G2E3: variants seen among roughly 807,000 people sequenced by gnomAD.
G2E3 encodes the protein G2/M-phase specific E3 ubiquitin protein ligase, also known as G2/M phase-specific E3 ubiquitin-protein ligase.
A neutral mutation model predicts 92.8 loss-of-function variants in G2E3; 35 were observed. The observed-to-expected ratio is 0.38, with a 90% CI of 0.29 to 0.50. The LOEUF (loss-of-function observed/expected upper bound fraction) is 0.50. Ranked by LOEUF, G2E3 falls within the 20% of genes least tolerant of loss-of-function variation. The pLI, the probability that G2E3 is intolerant of heterozygous loss-of-function variation, is 0.94. For synonymous variants in G2E3, 242 were observed against 272.4 expected (o/e 0.89, Z 1.10); for missense variants, 554 against 823.8 (o/e 0.67, Z 4.01).
chr14:30,605,850 A>C, intron 11 of G2E3, 38 bp downstream of exon 11: 10 of 1,069,960 alleles, frequency 9.3e-6, no homozygotes, highest in Non-Finnish European at 1.3e-5. Context: ...ACCAAATATC[A>C]CATGTATAGA....
chr14:30,579,613 A>G (rs1880313621), intron 1 of G2E3, among the ~76,000 whole-genome samples: 1 of 152,026 alleles, frequency 6.6e-6, no homozygotes, highest in South Asian at 2.1e-4. Context: ...AGCAGTTTGT[A>G]TTTGTGGTTT....
chr14:30,615,302 C>A (rs1286457716), intron 13 of G2E3, 47 bp from the exon 14 acceptor site: 8 of 948,450 alleles, frequency 8.4e-6, no homozygotes, highest in East Asian at 2.5e-5. Context: ...AATATAATAC[C>A]AAACACACAT....
intron 1 of G2E3, among the ~76,000 whole-genome samples, chr14:30,568,137 G>C (rs1879547923): frequency 6.6e-6 from 1 of 152,006 alleles, no homozygotes; most frequent in African/African-American, 2.4e-5. Context: ...TCTTCTTGAT[G>C]GATTGAACTT....
intron 10 of G2E3, 150 bp downstream of exon 10, chr14:30,602,281 T>C: frequency 1.6e-6 from 1 of 606,534 alleles, no homozygotes; most frequent in Non-Finnish European, 2.8e-6. Context: ...GATCATGAAA[T>C]CAATGCAACC....
chr14:30,589,637 A>G (rs1057323654), intron 4 of G2E3, among the ~76,000 whole-genome samples, 153 bp downstream of exon 4: 14 of 152,090 alleles, frequency 9.2e-5, no homozygotes, highest in South Asian at 8.3e-4. Flanking sequence ...TTAGGAGGAC[A>G]GTTTATATTT....
chr14:30,579,634 A>G (rs1880315088), intron 1 of G2E3, among the ~76,000 whole-genome samples: 1 of 152,138 alleles, frequency 6.6e-6, no homozygotes. Context: ...TCACTCTTTG[A>G]TATATAATAT....
intron 5 of G2E3, among the ~76,000 whole-genome samples, chr14:30,593,026 A>G (rs1881097935): frequency 6.6e-6 from 1 of 152,192 alleles, no homozygotes; most frequent in Non-Finnish European, 1.5e-5. Context: ...ACTACAGTTT[A>G]GAAAATACAA....
At chr14:30,595,652 A>C (rs1488934522) in intron 6 of G2E3, among the ~76,000 whole-genome samples, 2 of 152,238 alleles carry the variant, frequency 1.3e-5, no homozygotes, top group Non-Finnish European at 2.9e-5. Context: ...CGATTAGAGC[A>C]TACTAAGGAT....
chr14:30,592,277 C>T, intron 4 of G2E3, 46 bp from the exon 5 acceptor site: 1 of 1,552,806 alleles, frequency 6.4e-7, no homozygotes, highest in Non-Finnish European at 8.9e-7. Flanking sequence ...TATTATAATA[C>T]TCAGATTTTT....
At chr14:30,589,289 T>A in intron 3 of G2E3, 94 bp from the exon 4 acceptor site, 1 of 699,054 alleles carries the variant, frequency 1.4e-6, no homozygotes, top group Non-Finnish European at 2.5e-6. Flanking sequence ...ATTTTATGTC[T>A]GTTTTTTATT....
chr14:30,604,499 G>T (rs1426272131), intron 10 of G2E3, among the ~76,000 whole-genome samples: 2 of 152,202 alleles, frequency 1.3e-5, no homozygotes, highest in African/African-American at 4.8e-5. Context: ...AAAACAGATT[G>T]CTGGGCTTCA....
chr14:30,608,084 T>C lies in G2E3; in HGVS notation c.1500+15T>C. ...TTATAATCAGGGTAAGCAATGTATC[T>C]GTTTATTAAAATGCACACTACATTC... On this transcript the variant is annotated intron_variant, in intron 12 of 14. Coordinates refer to ENST00000206595, the MANE Select transcript of G2E3 (RefSeq NM_017769.5). 2 of 1,481,508 alleles carry C rather than the reference T, an allele frequency of 1.3e-6. No individual in the cohort carries two copies. The allele number at this position is 1,481,508 out of a possible 1,614,324, so 91.8% of individuals were successfully genotyped here.
At chr14:30,598,299 A>C (rs1881388677) in intron 7 of G2E3, 184 bp from the exon 8 acceptor site, 1 of 457,558 alleles carries the variant, frequency 2.2e-6, no homozygotes, top group South Asian at 2.3e-5. Flanking sequence ...GGCAGGGAGA[A>C]TCGCTTGAAC....
chr14:30,599,446 C>T (rs1357831436), intron 8 of G2E3, among the ~76,000 whole-genome samples: 1 of 152,148 alleles, frequency 6.6e-6, no homozygotes, highest in Non-Finnish European at 1.5e-5. Flanking sequence ...TCAGCCTGGT[C>T]TCAAATGCCT....
chr14:30,568,159 T>G (rs1164726993), intron 1 of G2E3, among the ~76,000 whole-genome samples: 1 of 152,166 alleles, frequency 6.6e-6, no homozygotes, highest in Non-Finnish European at 1.5e-5. Flanking sequence ...TTAGTCAGTC[T>G]TTAATGTCCT....
intron 12 of G2E3, among the ~76,000 whole-genome samples, chr14:30,609,179 ACAT>A (rs1881973364): frequency 6.6e-6 from 1 of 152,104 alleles, no homozygotes; most frequent in South Asian, 2.1e-4. Context: ...GCTTATCCTA[ACAT>A]CATGTTTTAA....
chr14:30,610,209 G>C (rs1364118840), intron 12 of G2E3, among the ~76,000 whole-genome samples: 3 of 152,162 alleles, frequency 2.0e-5, no homozygotes, highest in African/African-American at 4.8e-5. Context: ...ACTAAAGATA[G>C]AGTAGTGAAG....
chr14:30,587,308 G>C (rs1841380102), intron 3 of G2E3, among the ~76,000 whole-genome samples: 1 of 152,084 alleles, frequency 6.6e-6, no homozygotes, highest in Admixed American at 6.6e-5. Context: ...GCAAACGAGT[G>C]ATTTCATACT....
intron 8 of G2E3, among the ~76,000 whole-genome samples, chr14:30,598,923 T>C (rs1467742989): frequency 6.6e-6 from 1 of 152,206 alleles, no homozygotes; most frequent in African/African-American, 2.4e-5. Context: ...TGTAAATACA[T>C]ACCAAAGACT....
Sources: allele counts gnomAD v4.1 joint callset (sites outside exome capture counted in the v4.1 genomes callset), GRCh38; gene constraint gnomAD v4.1.1; transcripts MANE v1.5; gene names NCBI Gene and HGNC (gene_info 2026-07-23, HGNC 2026-07-21).